Variants in EML1 observed in about 807,000 individuals in gnomAD.
The protein encoded by EML1 is EMAP like 1, also known as echinoderm microtubule-associated protein-like 1.
Under a neutral mutation model 110.4 loss-of-function variants are expected in EML1, and 27 were observed. The ratio of observed to expected loss-of-function variants is 0.24; its 90% CI spans 0.18 to 0.34. The LOEUF is 0.34. Among genes scored for constraint, EML1 ranks in the 10% least tolerant of loss-of-function variants. The pLI is 1.00. For missense variants in EML1, 741 were observed against 1,030.9 expected (o/e 0.72, Z 3.85); for synonymous variants, 344 against 385.8 (o/e 0.89, Z 1.27).
At chr14:99,825,577 T>C (rs998832598) in intron 1 of EML1, among the ~76,000 whole-genome samples, 2 of 152,180 alleles carry the variant, frequency 1.3e-5, no homozygotes, top group Non-Finnish European at 2.9e-5. Flanking sequence ...GGCCTTATGT[T>C]CACCTCTCTT....
At chr14:99,763,568 G>T (rs2057337267) in intron 1 of EML1, among the ~76,000 whole-genome samples, 1 of 152,176 alleles carries the variant, frequency 6.6e-6, no homozygotes, top group South Asian at 2.1e-4. Flanking sequence ...CCAGCCCTCA[G>T]AGAGGCTCCC....
chr14:99,814,426 T>A (rs1481556053), intron 1 of EML1, among the ~76,000 whole-genome samples: 1 of 152,032 alleles, frequency 6.6e-6, no homozygotes, highest in South Asian at 2.1e-4. Context: ...CAAGTCCAGA[T>A]AATTTTTTTT....
At chr14:99,774,939 C>T (rs1191816547) in intron 1 of EML1, among the ~76,000 whole-genome samples, 4 of 151,964 alleles carry the variant, frequency 2.6e-5, no homozygotes, top group Non-Finnish European at 5.9e-5. Context: ...AGTTAAAGAG[C>T]CAAAAATGCA....
At chr14:99,901,686 A>G (rs1175412343) in intron 9 of EML1, among the ~76,000 whole-genome samples, 2 of 152,098 alleles carry the variant, frequency 1.3e-5, no homozygotes, top group Admixed American at 1.3e-4. Context: ...TGCTGGTGGG[A>G]GTGTAGCAGT....
intron 1 of EML1, among the ~76,000 whole-genome samples, chr14:99,810,639 C>A (rs1315300070): frequency 6.6e-6 from 1 of 152,108 alleles, no homozygotes; most frequent in Non-Finnish European, 1.5e-5. Context: ...TTTCAGATAC[C>A]CGGGACAAAT....
At chr14:99,921,326 TG>T (rs1269614514) in intron 17 of EML1, among the ~76,000 whole-genome samples, 1 of 152,222 alleles carries the variant, frequency 6.6e-6, no homozygotes, top group Non-Finnish European at 1.5e-5. Flanking sequence ...CTACTATTGA[TG>T]GGCATTTGGG....
Position 99,748,082 on chromosome 14 carries a change from G to T in EML1, c.28+10222G>T, listed in dbSNP as rs115513746. 3.8e-3 allele frequency among the ~76,000 whole-genome samples: 575 copies of T among 152,254 alleles called. 6 individuals are homozygous for T. The highest frequency in any genetic ancestry group is 0.013 in the African/African-American group (542 of 41,578). On this transcript the variant is annotated intron_variant, in intron 1 of 10. Transcript: ENST00000554479. Reference sequence around the variant, plus strand: ...CCCACTCACTGCCAAGGCGGAATTCGCCCGGGATGCCCGGGCAGGAGGTGT... The same window carrying T: ...CCCACTCACTGCCAAGGCGGAATTCTCCCGGGATGCCCGGGCAGGAGGTGT...
At position 99,914,166 on chromosome 14, in the gene EML1, CTTTT is replaced by C; in HGVS notation, c.1495-12_1495-9del. On this transcript the variant is annotated splice_polypyrimidine_tract_variant and intron_variant, in intron 13 of 21. Transcript: ENST00000262233. Reference sequence around the variant, plus strand: ...TTGTACATCTTTTCTTTTCATATGACTTTTCAATGCAGATTCCAGAACAGTTTGG... The same window carrying C: ...TTGTACATCTTTTCTTTTCATATGACCAATGCAGATTCCAGAACAGTTTGG... 6.3e-7 allele frequency: 1 copy of C among 1,592,368 alleles called. No individual in the cohort carries two copies. Among genetic ancestry groups the C allele is most frequent in the Non-Finnish European group, 8.6e-7 (1 of 1,163,824 alleles).
chr14:99,939,380 A>G lies in EML1; in HGVS notation c.2322+53A>G, dbSNP rs1595515610. On this transcript the variant is annotated intron_variant, in intron 21 of 21. Coordinates refer to ENST00000262233, the MANE Select transcript of EML1 (RefSeq NM_004434.3). This position sits in a 1 kb window ranked among gnomAD's most constrained non-coding sequence, Gnocchi z 4.2. ...TATCCCCCATGGGGCATGCACGTAC[A>G]CCCGACCTGTTTGGAGACTAAGTGG... The G allele has an allele frequency of 1.9e-6, 3 of 1,600,926 alleles. No homozygotes were observed. In the East Asian group the frequency reaches 6.7e-5, roughly 36 times the overall value.
upstream of EML1, among the ~76,000 whole-genome samples, chr14:99,772,304 A>G (rs1418699538): frequency 2.6e-5 from 4 of 152,262 alleles, no homozygotes; most frequent in Non-Finnish European, 4.4e-5. Context: ...GCCAGAGAGC[A>G]GGGCAGAGTT....
Position 99,870,111 on chromosome 14 carries a change from T to C in EML1, c.383+4465T>C, listed in dbSNP as rs1280553919. Among the ~76,000 whole-genome samples the C allele has an allele frequency of 2.6e-5, 4 of 152,190 alleles. No homozygotes were observed. In the South Asian group the frequency reaches 8.3e-4, roughly 32 times the overall value. ...AAAAGTTCTTGAAGGAAATTCGAAG[T>C]GCTACTCCAGTGAACACGTGAATGA... On this transcript the variant is annotated intron_variant, in intron 3 of 21. Transcript: ENST00000262233.
intron 4 of EML1, among the ~76,000 whole-genome samples, chr14:99,888,556 A>G (rs2059523336): frequency 6.6e-6 from 1 of 152,192 alleles, no homozygotes; most frequent in Admixed American, 6.5e-5. Context: ...TTCTGCCTGT[A>G]AATTTAATCA....
At chr14:99,783,172 T>G (rs1324294691) in intron 1 of EML1, among the ~76,000 whole-genome samples, 1 of 120,624 alleles carries the variant, frequency 8.3e-6, no homozygotes, top group Admixed American at 1.1e-4. Context: ...CCCTGGTGTG[T>G]GATGTTCCCC....
At chr14:99,938,056 C>T (rs894728292) in intron 20 of EML1, 144 bp downstream of exon 20, 7 of 772,712 alleles carry the variant, frequency 9.1e-6, no homozygotes, top group African/African-American at 1.7e-5. Flanking sequence ...CACCTCCTGC[C>T]GCACCCTGGG....
intron 6 of EML1, among the ~76,000 whole-genome samples, chr14:99,896,334 G>A (rs1432823727): frequency 2.7e-5 from 4 of 149,086 alleles, no homozygotes; most frequent in African/African-American, 9.8e-5. Context: ...ATTACCACCT[G>A]TACCTAAATT....
rs181006195 is a variant in EML1, at chr14:99,819,741, A to G, written c.67+26198A>G. ...GGTGAAGCAGACATGGGAGGGGGAA[A>G]AGGCGGGTCTGCAACAGGAGCCCAG... On this transcript the variant is annotated intron_variant, in intron 1 of 21. Transcript: ENST00000262233. 2.9e-3 allele frequency among the ~76,000 whole-genome samples: 439 copies of G among 152,186 alleles called. 6 individuals are homozygous for G. Among genetic ancestry groups the G allele is most frequent in the African/African-American group, 0.01 (423 of 41,524 alleles).
Position 99,939,047 on chromosome 14 carries a change from A to G in EML1, c.2192-150A>G. ...ACTGGGCGCACAGCGAGAGGCCAGGAACTGAGGCTATTGTGCTTTTTTGAC... is the reference window on the plus strand; with the variant it reads ...ACTGGGCGCACAGCGAGAGGCCAGGGACTGAGGCTATTGTGCTTTTTTGAC... On this transcript the variant is annotated intron_variant, in intron 20 of 21. Transcript: ENST00000262233. This position sits in a 1 kb window ranked among gnomAD's most constrained non-coding sequence, Gnocchi z 4.2. The G allele has an allele frequency of 8.3e-7, 1 of 1,199,724 alleles. No individual in the cohort carries two copies. The highest frequency in any genetic ancestry group is 1.2e-6 in the Non-Finnish European group (1 of 863,654). 74.3% of individuals were successfully genotyped at this position (1,199,724 alleles called of 1,614,324 possible). A position where few individuals can be genotyped will look rare whatever the true frequency, so the allele number is the denominator to read the frequency against.
intron 1 of EML1, among the ~76,000 whole-genome samples, chr14:99,830,954 A>T (rs1008734947): frequency 6.6e-6 from 1 of 152,118 alleles, no homozygotes; most frequent in Non-Finnish European, 1.5e-5. Flanking sequence ...CTCTTTGACC[A>T]ACTCCTTTTG....
intron 1 of EML1, among the ~76,000 whole-genome samples, chr14:99,758,808 G>T (rs950877273): frequency 1.3e-5 from 2 of 152,148 alleles, no homozygotes; most frequent in African/African-American, 2.4e-5. Flanking sequence ...TCTGTAAAGT[G>T]CATATTCCTG....
Sources: allele counts gnomAD v4.1 joint callset (sites outside exome capture counted in the v4.1 genomes callset), GRCh38; gene constraint gnomAD v4.1.1; non-coding constraint Gnocchi (gnomAD v3.1); transcripts MANE v1.5; gene names NCBI Gene and HGNC (gene_info 2026-07-23, HGNC 2026-07-21).